The following CLN8 variants were observed in gnomAD, a reference collection of about 807,000 sequenced individuals.
CLN8 encodes the protein protein CLN8.
CLN8 carries 14 observed loss-of-function variants against 15.7 expected under a neutral mutation model. The observed-to-expected ratio is 0.89, with a 90% CI of 0.59 to 1.39. The LOEUF (loss-of-function observed/expected upper bound fraction) is 1.39, where lower values mean the gene tolerates loss of function less well. Among genes scored for constraint, CLN8 ranks in the 40% most tolerant of loss-of-function variants. The probability of loss-of-function intolerance (pLI) is 0.00; values close to 1 mark genes in which losing one functional copy is unlikely to be tolerated. For missense variants in CLN8, 415 were observed against 364.0 expected (o/e 1.14, Z -1.14); for synonymous variants, 188 against 151.0 (o/e 1.25, Z -1.80).
At chr8:1,760,932 G>C (rs1004035086), upstream of CLN8, among the ~76,000 whole-genome samples, 4 of 150,072 alleles carry the variant, frequency 2.7e-5, no homozygotes, top group Non-Finnish European at 4.4e-5. Flanking sequence ...AGTGTGACAA[G>C]ATCTAGTACT....
chr8:1,757,887 G>T (rs1384948985), intron 1 of CLN8, among the ~76,000 whole-genome samples: 2 of 152,130 alleles, frequency 1.3e-5, no homozygotes, highest in African/African-American at 2.4e-5. Context: ...GCCAAATGTT[G>T]TTTGTCTGAT....
At chr8:1,755,699 G>A (rs1204112764), upstream of CLN8, 1 of 152,306 alleles carries the variant, frequency 6.6e-6, no homozygotes, top group African/African-American at 2.4e-5. Context: ...AATCCATCGG[G>A]TGGCAGCCCC....
At chr8:1,779,955 A>C (rs1408986385) in intron 2 of CLN8, 3 of 985,302 alleles carry the variant, frequency 3.0e-6, no homozygotes, top group African/African-American at 1.7e-5. Context: ...GGGATACTGA[A>C]AGAAAGGTTG....
At chr8:1,769,014 ACG>A (rs1801194332) in intron 1 of CLN8, among the ~76,000 whole-genome samples, 1 of 152,188 alleles carries the variant, frequency 6.6e-6, no homozygotes, top group African/African-American at 2.4e-5. Flanking sequence ...CCCTGAACTC[ACG>A]CACCAGGGGC....
Position 1,782,790 on chromosome 8 carries a change from C to T in CLN8, c.*2223C>T, listed in dbSNP as rs943064474. 6.6e-6 allele frequency: 1 copy of T among 152,208 alleles called. No individual in the cohort carries two copies. The highest frequency in any genetic ancestry group is 2.4e-5 in the African/African-American group (1 of 41,450). 9.4% of individuals were successfully genotyped at this position (152,208 alleles called of 1,614,324 possible). A position where few individuals can be genotyped will look rare whatever the true frequency, so the allele number is the denominator to read the frequency against. On this transcript the variant is annotated 3_prime_UTR_variant, in exon 3 of 3. Coordinates refer to ENST00000331222, the MANE Select transcript of CLN8 (RefSeq NM_018941.4). ...GAGATAGAAAATATAATGATAAATTCATCATGTGTTCAGAATTCGATTTGG... is the reference window on the plus strand; with the variant it reads ...GAGATAGAAAATATAATGATAAATTTATCATGTGTTCAGAATTCGATTTGG...
chr8:1,770,790 T>C lies in CLN8; in HGVS notation c.-123-142T>C, dbSNP rs1801266693. The C allele has an allele frequency of 7.0e-6, 4 of 575,476 alleles. No homozygotes were observed. In the South Asian group the frequency reaches 8.4e-5, roughly 12 times the overall value. The allele number at this position is 575,476 out of a possible 1,614,324, so 35.6% of individuals were successfully genotyped here. A position where few individuals can be genotyped will look rare whatever the true frequency, so the allele number is the denominator to read the frequency against. On this transcript the variant is annotated intron_variant, in intron 1 of 2. Coordinates refer to ENST00000331222, the MANE Select transcript of CLN8 (RefSeq NM_018941.4). ...CCTATACTGTCAGTGGATGTTACCT[T>C]GGTATGTTTATGCACCCTTGTAAGT... is the stretch of plus-strand genomic sequence containing the variant.
At chr8:1,765,541 A>G (rs1185291920) in intron 1 of CLN8, among the ~76,000 whole-genome samples, 1 of 152,232 alleles carries the variant, frequency 6.6e-6, no homozygotes, top group Non-Finnish European at 1.5e-5. Flanking sequence ...AATTTTCAAA[A>G]TGTTAGAAGT....
At position 1,757,287 on chromosome 8, in the gene CLN8, T is replaced by C. The variant is rs145713554; in HGVS notation, c.-124+1205T>C. Among the ~76,000 whole-genome samples the C allele has an allele frequency of 7.9e-3, 1,198 of 152,310 alleles. 8 individuals are homozygous for C. The highest frequency in any genetic ancestry group is 0.015 in the Admixed American group (226 of 15,302). On this transcript the variant is annotated intron_variant, in intron 1 of 1. Coordinates refer to the CLN8 transcript ENST00000524258. Reference sequence around the variant, plus strand: ...CTGAAGGTCAGCAGCAGCAACCTGCTTCTCAACCAAGGTCATGACAACCCA... The same window carrying C: ...CTGAAGGTCAGCAGCAGCAACCTGCCTCTCAACCAAGGTCATGACAACCCA...
chr8:1,781,030 A>C lies in CLN8; in HGVS notation c.*463A>C. 6.0e-6 allele frequency: 1 copy of C among 166,810 alleles called. No individual in the cohort carries two copies. The highest frequency in any genetic ancestry group is 1.3e-5 in the Non-Finnish European group (1 of 76,932). The allele number at this position is 166,810 out of a possible 1,614,324, so 10.3% of individuals were successfully genotyped here. A position where few individuals can be genotyped will look rare whatever the true frequency, so the allele number is the denominator to read the frequency against. On this transcript the variant is annotated 3_prime_UTR_variant, in exon 3 of 3. Coordinates refer to ENST00000331222, the MANE Select transcript of CLN8 (RefSeq NM_018941.4). ...GAATTGGGCTAAGATAGAAAATAAC[A>C]TGATTTGTTCCTTATTAAAGCTTCC...
chr8:1,766,998 G>A (rs964826976), intron 1 of CLN8, among the ~76,000 whole-genome samples: 1 of 152,200 alleles, frequency 6.6e-6, no homozygotes, highest in African/African-American at 2.4e-5. Context: ...TCAGTACAAC[G>A]CTGATGCCAC....
intron 1 of CLN8, among the ~76,000 whole-genome samples, chr8:1,770,553 T>C (rs1801257213): frequency 6.6e-6 from 1 of 152,184 alleles, no homozygotes. Flanking sequence ...AGAAGTTCAG[T>C]GCTGTAACAA....
At chr8:1,767,933 CT>C (rs1326875726) in intron 1 of CLN8, among the ~76,000 whole-genome samples, 3 of 151,046 alleles carry the variant, frequency 2.0e-5, no homozygotes, top group Non-Finnish European at 3.0e-5. Flanking sequence ...AGGAAAGAAA[CT>C]TGTTTTCTTT....
At chr8:1,763,088 C>G (rs1213701603), upstream of CLN8, 1 of 152,152 alleles carries the variant, frequency 6.6e-6, no homozygotes, top group South Asian at 2.1e-4. Context: ...GCCGGGGATG[C>G]GCTCGGTCAA....
At chr8:1,775,811 T>A (rs1254558324) in intron 2 of CLN8, among the ~76,000 whole-genome samples, 1 of 152,232 alleles carries the variant, frequency 6.6e-6, no homozygotes, top group Non-Finnish European at 1.5e-5. Flanking sequence ...AGACACACAC[T>A]CTTTTCACTC....
intron 2 of CLN8, among the ~76,000 whole-genome samples, chr8:1,778,170 T>G (rs900048984): frequency 1.3e-5 from 2 of 152,180 alleles, no homozygotes; most frequent in African/African-American, 2.4e-5. Context: ...GTGACTATAC[T>G]GTTTACCACC....
At chr8:1,769,197 G>C (rs1801201813) in intron 1 of CLN8, among the ~76,000 whole-genome samples, 1 of 152,202 alleles carries the variant, frequency 6.6e-6, no homozygotes, top group African/African-American at 2.4e-5. Flanking sequence ...CATTATCAAA[G>C]CAAGAGGTTA....
At chr8:1,771,848 T>A (rs2130993593) in intron 2 of CLN8, among the ~76,000 whole-genome samples, 1 of 152,260 alleles carries the variant, frequency 6.6e-6, no homozygotes, top group East Asian at 1.9e-4. Context: ...TTCTCTTCCT[T>A]AAGGAAAGAA....
upstream of CLN8, among the ~76,000 whole-genome samples, chr8:1,753,784 G>A (rs557315732): frequency 1.3e-5 from 2 of 151,458 alleles, no homozygotes; most frequent in East Asian, 1.9e-4. Flanking sequence ...TACATGGGAG[G>A]CTGAGGCAGG....
chr8:1,763,082 G>C (rs1320658139), upstream of CLN8: 3 of 152,194 alleles, frequency 2.0e-5, no homozygotes, highest in Non-Finnish European at 2.9e-5. Flanking sequence ...AGAAGGGCCG[G>C]GGATGCGCTC....
Sources: allele counts gnomAD v4.1 joint callset (sites outside exome capture counted in the v4.1 genomes callset), GRCh38; gene constraint gnomAD v4.1.1; transcripts MANE v1.5; gene names NCBI Gene and HGNC (gene_info 2026-07-23, HGNC 2026-07-21).